The following NOL10 variants were observed in gnomAD, a reference collection of about 807,000 sequenced individuals.
The protein encoded by NOL10 is H_NH0074G24.1.
In NOL10, 58 loss-of-function variants were observed where a neutral mutation model predicts 103.5. The observed-to-expected ratio is 0.56, with a 90% CI of 0.45 to 0.70. The LOEUF (loss-of-function observed/expected upper bound fraction) is 0.70. NOL10 is among the 30% of genes least tolerant of loss of function. NOL10 has a pLI of 0.00. For synonymous variants in NOL10, 287 were observed against 282.5 expected, an observed-to-expected ratio of 1.02 and a Z score of -0.16; for missense variants, 763 against 807.3, an observed-to-expected ratio of 0.95 and a Z score of 0.67.
At chr2:10,668,901 G>A (rs1680728229) in intron 6 of NOL10, among the ~76,000 whole-genome samples, 178 bp from the exon 7 acceptor site, 1 of 151,998 alleles carries the variant, frequency 6.6e-6, no homozygotes, top group Non-Finnish European at 1.5e-5. Context: ...ATGTATAAAA[G>A]TGATTTAAAC....
intron 13 of NOL10, among the ~76,000 whole-genome samples, chr2:10,621,602 T>A (rs894164520): frequency 6.6e-6 from 1 of 151,868 alleles, no homozygotes; most frequent in Non-Finnish European, 1.5e-5. Context: ...TCAAAAATAA[T>A]AAAAATAAAA....
chr2:10,636,598 C>T (rs1437190953), intron 13 of NOL10, among the ~76,000 whole-genome samples: 2 of 134,038 alleles, frequency 1.5e-5, no homozygotes, highest in African/African-American at 3.0e-5. Flanking sequence ...AGACAGAGTG[C>T]GACCTTCAAT....
At chr2:10,680,933 A>G (rs867174327) in intron 3 of NOL10, among the ~76,000 whole-genome samples, 1 of 152,208 alleles carries the variant, frequency 6.6e-6, no homozygotes, top group Non-Finnish European at 1.5e-5. Flanking sequence ...AATCTTAGAG[A>G]TATTTTTAAA....
intron 1 of NOL10, among the ~76,000 whole-genome samples, chr2:10,688,378 C>G (rs1243623881): frequency 6.6e-6 from 1 of 152,178 alleles, no homozygotes; most frequent in African/African-American, 2.4e-5. Flanking sequence ...GCTCTCGCCC[C>G]CTCACTCAGC....
In NOL10 at chr2:10,677,871, G is replaced by GTGTGTGTATATA. The variant is rs201387297; in HGVS notation, c.212-2001_212-2000insTATATACACACA. Reference sequence around the variant, plus strand: ...TGTGTGTGTGTGTGTGTGTGTGTGTGTATACACATATATATGCGTGTGTAT... The same window carrying GTGTGTGTATATA: ...TGTGTGTGTGTGTGTGTGTGTGTGTGTGTGTGTATATATATACACATATATATGCGTGTGTAT... On this transcript the variant is annotated intron_variant, in intron 3 of 20. Transcript: ENST00000381685. Among the ~76,000 whole-genome samples the GTGTGTGTATATA allele has an allele frequency of 1.5e-3, 219 of 146,004 alleles. 2 individuals carry two copies. The highest frequency in any genetic ancestry group is 5.4e-3 in the African/African-American group (212 of 38,950).
intron 1 of NOL10, among the ~76,000 whole-genome samples, chr2:10,687,523 TTCTC>T (rs1230275153): frequency 6.6e-6 from 1 of 152,210 alleles, no homozygotes; most frequent in African/African-American, 2.4e-5. Flanking sequence ...TCTCTGTTCT[TTCTC>T]TCACAATTTG....
intron 8 of NOL10, among the ~76,000 whole-genome samples, chr2:10,665,331 T>C (rs1680501896): frequency 6.6e-6 from 1 of 152,224 alleles, no homozygotes; most frequent in Admixed American, 6.5e-5. Flanking sequence ...TGATTTTCTA[T>C]TACCTAAATT....
chr2:10,576,655 G>C (rs552921568), intron 20 of NOL10, among the ~76,000 whole-genome samples: 1 of 152,304 alleles, frequency 6.6e-6, no homozygotes, highest in African/African-American at 2.4e-5. Context: ...GAAATGCCCG[G>C]AACAGGCAAA....
intron 6 of NOL10, among the ~76,000 whole-genome samples, chr2:10,669,834 G>C (rs1464677046): frequency 2.0e-5 from 3 of 151,816 alleles, no homozygotes; most frequent in Non-Finnish European, 4.4e-5. Context: ...GGAGGTTACA[G>C]TGAGTGGAGA....
chr2:10,610,881 A>G (rs897948980), intron 13 of NOL10, among the ~76,000 whole-genome samples: 1 of 152,172 alleles, frequency 6.6e-6, no homozygotes, highest in Non-Finnish European at 1.5e-5. Flanking sequence ...TACTACCTCA[A>G]ACTTTCCAGG....
intron 14 of NOL10, chr2:10,604,691 T>C (rs1676153088): frequency 1.3e-5 from 2 of 152,222 alleles, no homozygotes; most frequent in Admixed American, 1.3e-4. Context: ...TGTCACAGAA[T>C]TAATCCAAGT....
intron 12 of NOL10, among the ~76,000 whole-genome samples, chr2:10,654,110 C>T (rs1244637024): frequency 6.6e-6 from 1 of 152,204 alleles, no homozygotes; most frequent in Non-Finnish European, 1.5e-5. Flanking sequence ...ATCTAGCTTT[C>T]TCCAAATCTC....
chr2:10,666,103 C>T (rs978190248), intron 8 of NOL10, among the ~76,000 whole-genome samples: 2 of 152,130 alleles, frequency 1.3e-5, no homozygotes, highest in Non-Finnish European at 2.9e-5. Flanking sequence ...GAGTACCCAA[C>T]GGTTAGCTCC....
intron 16 of NOL10, among the ~76,000 whole-genome samples, chr2:10,601,430 G>A (rs1220251001): frequency 6.6e-6 from 1 of 152,160 alleles, no homozygotes; most frequent in African/African-American, 2.4e-5. Context: ...GATGATACCA[G>A]GTGGGCCACA....
intron 2 of NOL10, 40 bp from the exon 3 acceptor site, chr2:10,682,109 T>G (rs576143020): frequency 1.1e-6 from 1 of 901,586 alleles, no homozygotes; most frequent in African/African-American, 1.7e-5. Flanking sequence ...AACTAACATG[T>G]GCTTATTCTC....
At chr2:10,644,278 G>T in intron 13 of NOL10, 42 bp downstream of exon 13, 2 of 1,319,746 alleles carry the variant, frequency 1.5e-6, no homozygotes, top group Non-Finnish European at 2.0e-6. Context: ...AAGTATCTTT[G>T]CTTGTCCTAT....
At chr2:10,622,876 T>C (rs1180727687) in intron 13 of NOL10, among the ~76,000 whole-genome samples, 1 of 152,250 alleles carries the variant, frequency 6.6e-6, no homozygotes, top group East Asian at 1.9e-4. Flanking sequence ...CAATTCAAGA[T>C]GGCCAAAACT....
intron 13 of NOL10, chr2:10,622,121 TA>T: frequency 2.1e-6 from 1 of 471,490 alleles, no homozygotes; most frequent in Non-Finnish European, 4.4e-6. Flanking sequence ...GACTTTGGTT[TA>T]GAGAACTGGA....
chr2:10,689,939 GC>G lies in NOL10; in HGVS notation c.-79del. The G allele has an allele frequency of 7.2e-7, 1 of 1,385,886 alleles. No individual in the cohort carries two copies. Among genetic ancestry groups the G allele is most frequent in the African/African-American group, 1.4e-5 (1 of 69,770 alleles). 85.8% of individuals were successfully genotyped at this position (1,385,886 alleles called of 1,614,324 possible). A position where few individuals can be genotyped will look rare whatever the true frequency, so the allele number is the denominator to read the frequency against. ...AGCACCGTAATCCCGGGACCTCCGA[GC>G]CCCTGCTCCGCGGCGTGCGGCCGCT... On this transcript the variant is annotated 5_prime_UTR_variant, in exon 1 of 21. Coordinates refer to ENST00000381685, the MANE Select transcript of NOL10 (RefSeq NM_024894.4).
Sources: gnomAD v4.1 joint callset for allele counts (sites outside exome capture counted in the v4.1 genomes callset) on GRCh38, gnomAD v4.1.1 for gene constraint, MANE v1.5 for transcripts, NCBI Gene and HGNC (gene_info 2026-07-23, HGNC 2026-07-21) for gene names.